Variants in VOPP1 observed in about 807,000 individuals in gnomAD.
VOPP1 encodes WW domain binding protein VOPP1.
In VOPP1, 8 loss-of-function variants were observed where a neutral mutation model predicts 23.5. That is an observed-to-expected ratio of 0.34 (90% CI 0.20 to 0.61). VOPP1 has a LOEUF of 0.61. Ranked by LOEUF, VOPP1 falls within the 20% of genes least tolerant of loss-of-function variation. The pLI, the probability that VOPP1 is intolerant of heterozygous loss-of-function variation, is 0.78. For synonymous variants in VOPP1, 83 were observed against 97.3 expected (o/e 0.85, Z 0.86); for missense variants, 174 against 238.1 (o/e 0.73, Z 1.77).
intron 4 of VOPP1, among the ~76,000 whole-genome samples, chr7:55,451,344 A>G (rs188985904): frequency 3.3e-5 from 5 of 152,338 alleles, no homozygotes; most frequent in Admixed American, 3.3e-4. Flanking sequence ...CAGTTCCAGA[A>G]CACCATAATT....
downstream of VOPP1, among the ~76,000 whole-genome samples, chr7:55,469,025 GT>G (rs1166868557): frequency 2.6e-5 from 4 of 152,156 alleles, no homozygotes; most frequent in Non-Finnish European, 5.9e-5. Context: ...AAGTACACTA[GT>G]TTTTATAGTA....
chr7:55,437,706 T>TCCAAA (rs1454427451), intron 4 of VOPP1, among the ~76,000 whole-genome samples: 1 of 152,206 alleles, frequency 6.6e-6, no homozygotes, highest in African/African-American at 2.4e-5. Flanking sequence ...CACCTGTTAT[T>TCCAAA]TGGATGTTAA....
intron 1 of VOPP1, chr7:55,537,527 T>C: frequency 6.5e-7 from 1 of 1,536,098 alleles, no homozygotes; most frequent in Non-Finnish European, 8.7e-7. Context: ...GTCCTTCGCA[T>C]TCTGTTAGGC....
intron 2 of VOPP1, among the ~76,000 whole-genome samples, chr7:55,514,525 C>T (rs79423625): frequency 1.1e-3 from 160 of 152,304 alleles, no homozygotes; most frequent in Non-Finnish European, 1.8e-3. Context: ...CATTTGTCTC[C>T]GTTACTAAAG....
chr7:55,571,511 G>A (rs927828419), intron 1 of VOPP1, among the ~76,000 whole-genome samples: 5 of 152,272 alleles, frequency 3.3e-5, no homozygotes, highest in East Asian at 1.9e-4. Flanking sequence ...CCTCTAGTTC[G>A]CATTTTAAGG....
At chr7:55,514,114 A>G (rs1795254207) in intron 2 of VOPP1, among the ~76,000 whole-genome samples, 1 of 152,204 alleles carries the variant, frequency 6.6e-6, no homozygotes, top group African/African-American at 2.4e-5. Context: ...CAAGACCTGC[A>G]GAAGAAAAAA....
intron 4 of VOPP1, among the ~76,000 whole-genome samples, chr7:55,451,138 A>C (rs946319624): frequency 5.3e-5 from 8 of 152,178 alleles, no homozygotes; most frequent in Admixed American, 4.6e-4. Context: ...GTGTCTTGAC[A>C]ATCATCCTTG....
chr7:55,539,162 G>T (rs762391061), intron 1 of VOPP1, among the ~76,000 whole-genome samples: 6 of 152,032 alleles, frequency 3.9e-5, no homozygotes, highest in Non-Finnish European at 7.4e-5. Context: ...TGGGCAACAT[G>T]GTGAAACCCC....
chr7:55,504,632 C>T (rs1319205744), intron 2 of VOPP1, among the ~76,000 whole-genome samples: 1 of 152,270 alleles, frequency 6.6e-6, no homozygotes, highest in African/African-American at 2.4e-5. Context: ...GGGCAAGTGC[C>T]TTCCATGACC....
At chr7:55,555,251 G>GAC (rs1797762444) in intron 1 of VOPP1, among the ~76,000 whole-genome samples, 1 of 152,166 alleles carries the variant, frequency 6.6e-6, no homozygotes, top group Non-Finnish European at 1.5e-5. Context: ...ACAGGAGAGG[G>GAC]AGGGTGCTCT....
chr7:55,559,913 C>T (rs1345919074), intron 1 of VOPP1, among the ~76,000 whole-genome samples: 1 of 152,172 alleles, frequency 6.6e-6, no homozygotes, highest in Non-Finnish European at 1.5e-5. Context: ...CAGCACCGCA[C>T]GAGGCCGTGG....
chr7:55,478,012 C>T, intron 4 of VOPP1, among the ~76,000 whole-genome samples: 1 of 152,220 alleles, frequency 6.6e-6, no homozygotes, highest in East Asian at 1.9e-4. Flanking sequence ...TCACAGGACG[C>T]TGGCCATGCT....
Position 55,572,337 on chromosome 7 carries a change from C to T in VOPP1, c.-13G>A. 7.0e-7 allele frequency: 1 copy of T among 1,437,452 alleles called. No homozygotes were observed. Among genetic ancestry groups the T allele is most frequent in the Non-Finnish European group, 9.1e-7 (1 of 1,097,258 alleles). The allele number at this position is 1,437,452 out of a possible 1,614,324, so 89.0% of individuals were successfully genotyped here. A position where few individuals can be genotyped will look rare whatever the true frequency, so the allele number is the denominator to read the frequency against. On this transcript the variant is annotated 5_prime_UTR_variant, in exon 1 of 5. Transcript: ENST00000285279. ...GCTGGCGCCTCATGGCTCCTCGCGT[C>T]CTCTCCAGCGCGCCCGGACGCCGGG...
intron 2 of VOPP1, among the ~76,000 whole-genome samples, chr7:55,518,489 T>C (rs556502280): frequency 6.6e-6 from 1 of 152,214 alleles, no homozygotes; most frequent in Non-Finnish European, 1.5e-5. Flanking sequence ...GCGTGGTGGT[T>C]TGCTGGTGTT....
chr7:55,460,501 T>C (rs989177143), intron 4 of VOPP1, among the ~76,000 whole-genome samples: 8 of 152,228 alleles, frequency 5.3e-5, no homozygotes, highest in African/African-American at 1.9e-4. Flanking sequence ...AGCAGATTGT[T>C]GAAGTCCCCA....
At chr7:55,564,470 A>G (rs1454159170) in intron 1 of VOPP1, among the ~76,000 whole-genome samples, 1 of 152,162 alleles carries the variant, frequency 6.6e-6, no homozygotes, top group African/African-American at 2.4e-5. Flanking sequence ...TCACCTGAGT[A>G]GCTGCTCAAC....
intron 1 of VOPP1, among the ~76,000 whole-genome samples, chr7:55,525,800 A>G (rs1233270078): frequency 2.0e-5 from 3 of 151,658 alleles, no homozygotes; most frequent in Non-Finnish European, 2.9e-5. Flanking sequence ...AAAAAAAAAA[A>G]AAAAAAAAAA....
intron 4 of VOPP1, among the ~76,000 whole-genome samples, chr7:55,447,208 G>T (rs533856768): frequency 1.3e-5 from 2 of 152,320 alleles, no homozygotes; most frequent in African/African-American, 4.8e-5. Flanking sequence ...ATCAGGCAAG[G>T]CGTCAGATTA....
intron 1 of VOPP1, among the ~76,000 whole-genome samples, chr7:55,532,847 AT>A (rs1250633463): frequency 2.6e-5 from 4 of 152,114 alleles, no homozygotes; most frequent in Non-Finnish European, 5.9e-5. Flanking sequence ...AGTAATATGC[AT>A]TTTCATTAAA....
Sources: gnomAD v4.1 joint callset for allele counts (sites outside exome capture counted in the v4.1 genomes callset) on GRCh38, gnomAD v4.1.1 for gene constraint, MANE v1.5 for transcripts, NCBI Gene and HGNC (gene_info 2026-07-23, HGNC 2026-07-21) for gene names.